The following LGALS3 variants were observed in gnomAD, a reference collection of about 807,000 sequenced individuals.
LGALS3 encodes the protein galectin-3.
Under a neutral mutation model 20.7 loss-of-function variants are expected in LGALS3, and 18 were observed. That is an observed-to-expected ratio of 0.87 (90% confidence interval 0.60 to 1.29). LGALS3 has a LOEUF of 1.29. LGALS3 is among the 50% of genes most tolerant of loss of function. The pLI is 0.00. For synonymous variants in LGALS3, 112 were observed against 119.6 expected (o/e 0.94, Z 0.42); for missense variants, 315 against 314.7 (o/e 1.00, Z -0.01).
rs376506811 is a variant in LGALS3 at position 55,142,636 on chromosome 14, C to T, written c.484C>T (p.Arg162Cys). Residue 162 changes from arginine (R) to cysteine (C), a missense_variant, in exon 5 of 6, where the codon CGC becomes TGC. Coordinates refer to ENST00000254301, the MANE Select transcript of LGALS3 (RefSeq NM_002306.4). ...TGATGTTGCCTTCCACTTTAACCCA[C>T]GCTTCAATGAGAACAACAGGAGAGT... ...GNDVAFHFNP[R>C]FNENNRRVIV... The T allele has an allele frequency of 4.0e-5, 64 of 1,613,364 alleles. No individual in the cohort carries two copies. The highest frequency in any genetic ancestry group is 8.3e-5 in the Admixed American group (5 of 59,998).
intron 1 of LGALS3, 50 bp from the exon 2 acceptor site, chr14:55,137,320 G>A: frequency 6.4e-7 from 1 of 1,557,362 alleles, no homozygotes; most frequent in Non-Finnish European, 8.9e-7. Flanking sequence ...CAGTTTAATG[G>A]AAATTGGTGA....
At chr14:55,140,536 T>C (rs764411819) in intron 4 of LGALS3, 173 bp downstream of exon 4, 70 of 535,108 alleles carry the variant, frequency 1.3e-4, no homozygotes, top group Non-Finnish European at 2.1e-4. Context: ...GATTATCCCA[T>C]AAATCCATAC....
intron 1 of LGALS3, among the ~76,000 whole-genome samples, chr14:55,135,077 C>T (rs1049143514): frequency 3.3e-5 from 5 of 151,800 alleles, no homozygotes; most frequent in African/African-American, 1.2e-4. Context: ...TCACATGAGC[C>T]TGGGAGGTGG....
chr14:55,137,618 C>A, intron 2 of LGALS3: 1 of 1,445,040 alleles, frequency 6.9e-7, no homozygotes, highest in South Asian at 1.5e-5. Context: ...GTAACCCTTT[C>A]ACCAAAAGGC....
rs982376243 is a variant in LGALS3, at chr14:55,137,758, A to G, written c.19-287A>G. On this transcript the variant is annotated intron_variant, in intron 2 of 5. Coordinates refer to ENST00000254301, the MANE Select transcript of LGALS3 (RefSeq NM_002306.4). ...TCACGGTGATGAAAAAGTATGTGCT[A>G]TAAGTAGAGGAGCGCTAACTCCTGA... 1.4e-5 allele frequency: 19 copies of G among 1,334,536 alleles called. No homozygotes were observed. In the African/African-American group the frequency reaches 2.4e-4, roughly 17 times the overall value. 82.7% of individuals were successfully genotyped at this position (1,334,536 alleles called of 1,614,324 possible).
chr14:55,129,659 C>A lies in LGALS3; in HGVS notation c.-5+359C>A, dbSNP rs1881168553. On this transcript the variant is annotated intron_variant, in intron 1 of 5. Coordinates refer to ENST00000254301, the MANE Select transcript of LGALS3 (RefSeq NM_002306.4). The surrounding 1 kb of genome is among the most constrained non-coding windows in gnomAD (Gnocchi z 5.3). ...TCTGCGGCCCCAGAGTAAGCCCCATCCGGTGACGAGCCGCAGTCTGGTCAC... is the reference window on the plus strand; with the variant it reads ...TCTGCGGCCCCAGAGTAAGCCCCATACGGTGACGAGCCGCAGTCTGGTCAC... Among the ~76,000 whole-genome samples, 1 of 152,202 alleles carries A rather than the reference C, an allele frequency of 6.6e-6. No individual in the cohort carries two copies. The highest frequency in any genetic ancestry group is 1.5e-5 in the Non-Finnish European group (1 of 68,032).
chr14:55,135,646 C>T (rs1321156167), intron 1 of LGALS3, among the ~76,000 whole-genome samples: 1 of 148,478 alleles, frequency 6.7e-6, no homozygotes, highest in Non-Finnish European at 1.5e-5. Context: ...CTCACTGCAG[C>T]CTTGACCTCC....
chr14:55,134,097 G>C (rs971388617), intron 1 of LGALS3, among the ~76,000 whole-genome samples: 1 of 152,148 alleles, frequency 6.6e-6, no homozygotes, highest in Admixed American at 6.5e-5. Context: ...TAGAGACTGG[G>C]GTTTTGCTGT....
intron 1 of LGALS3, among the ~76,000 whole-genome samples, chr14:55,132,415 G>A (rs1881257801): frequency 6.6e-6 from 1 of 151,588 alleles, no homozygotes; most frequent in African/African-American, 2.4e-5. Context: ...ACATTTGATT[G>A]TATGTCTCTC....
chr14:55,130,758 G>C (rs941058588), intron 1 of LGALS3, among the ~76,000 whole-genome samples: 2 of 150,044 alleles, frequency 1.3e-5, no homozygotes, highest in Admixed American at 6.6e-5. Context: ...GGTGGTGGGG[G>C]GGGGGGGGTC....
intron 1 of LGALS3, among the ~76,000 whole-genome samples, chr14:55,132,601 G>A (rs1243558042): frequency 6.6e-6 from 1 of 151,890 alleles, no homozygotes; most frequent in African/African-American, 2.4e-5. Flanking sequence ...ATGGAGCCTC[G>A]CAGTCTCCCA....
At chr14:55,132,048 G>A (rs1881247763) in intron 1 of LGALS3, among the ~76,000 whole-genome samples, 1 of 152,208 alleles carries the variant, frequency 6.6e-6, no homozygotes, top group African/African-American at 2.4e-5. Flanking sequence ...ACCTTTATGA[G>A]CAGACATTTC....
intron 5 of LGALS3, among the ~76,000 whole-genome samples, chr14:55,144,598 C>T (rs1274152558): frequency 6.6e-6 from 1 of 152,200 alleles, no homozygotes; most frequent in Non-Finnish European, 1.5e-5. Context: ...GAGTCTCACT[C>T]TTTCGCCCAG....
In LGALS3 at chr14:55,129,664, G is replaced by A. The variant is rs1326594246; in HGVS notation, c.-5+364G>A. Among the ~76,000 whole-genome samples the A allele has an allele frequency of 2.6e-5, 4 of 152,220 alleles. No homozygotes were observed. Among genetic ancestry groups the A allele is most frequent in the African/African-American group, 9.6e-5 (4 of 41,466 alleles). On this transcript the variant is annotated intron_variant, in intron 1 of 5. Coordinates refer to ENST00000254301, the MANE Select transcript of LGALS3 (RefSeq NM_002306.4). This position sits in a 1 kb window ranked among gnomAD's most constrained non-coding sequence, Gnocchi z 5.3. The stretch of plus-strand genomic sequence containing the variant: ...GGCCCCAGAGTAAGCCCCATCCGGT[G>A]ACGAGCCGCAGTCTGGTCACCCCAG...
rs759609906 is a variant in LGALS3 at position 55,140,232 on chromosome 14, A to G, written c.343-43A>G. 7 of 1,306,302 alleles carry G rather than the reference A, an allele frequency of 5.4e-6. No homozygotes were observed. The Admixed American group carries it at 7.1e-5, about 13-fold the overall frequency. The allele number at this position is 1,306,302 out of a possible 1,614,324, so 80.9% of individuals were successfully genotyped here. On this transcript the variant is annotated intron_variant, in intron 3 of 5. Transcript: ENST00000254301. ...AGCAACATCGTTTTTTCCCCAAAGA[A>G]ACATGACTCCTTATTGACACATATG...
At chr14:55,142,030 T>C (rs1464759211) in intron 4 of LGALS3, among the ~76,000 whole-genome samples, 1 of 152,220 alleles carries the variant, frequency 6.6e-6, no homozygotes, top group Non-Finnish European at 1.5e-5. Context: ...CCACATTTAC[T>C]ATCATGACTT....
At chr14:55,137,594 G>A (rs1881447280) in intron 2 of LGALS3, 1 of 1,473,266 alleles carries the variant, frequency 6.8e-7, no homozygotes, top group African/African-American at 1.4e-5. Flanking sequence ...AGCGAGGCCT[G>A]GGACTCACTC....
chr14:55,131,576 C>T (rs564038362), intron 1 of LGALS3, among the ~76,000 whole-genome samples: 16 of 152,250 alleles, frequency 1.1e-4, no homozygotes, highest in Admixed American at 8.5e-4. Flanking sequence ...TTCCTGTGAT[C>T]GTTTGGGACA....
intron 4 of LGALS3, 65 bp downstream of exon 4, chr14:55,140,428 T>G: frequency 9.0e-6 from 9 of 1,002,536 alleles, no homozygotes; most frequent in African/African-American, 1.6e-5. Flanking sequence ...AAGAATGGCC[T>G]ACTTTTTTTC....
Sources: gnomAD v4.1 joint callset for allele counts (sites outside exome capture counted in the v4.1 genomes callset) on GRCh38, gnomAD v4.1.1 for gene constraint, Gnocchi (gnomAD v3.1) non-coding constraint, MANE v1.5 for transcripts, NCBI Gene and HGNC (gene_info 2026-07-23, HGNC 2026-07-21) for gene names.